PSG5: variants seen among roughly 807,000 people sequenced by gnomAD.
The protein encoded by PSG5 is pregnancy-specific beta-1-glycoprotein 5.
In PSG5, 53 loss-of-function variants were observed where a neutral mutation model predicts 37.7. That is an observed-to-expected ratio of 1.41 (90% CI 1.13 to 1.77). PSG5 has a LOEUF of 1.77. Among genes scored for constraint, PSG5 ranks in the 40% most tolerant of loss-of-function variants. The pLI is 0.00. For synonymous variants in PSG5, 221 were observed against 155.4 expected (o/e 1.42, Z -3.14); for missense variants, 547 against 405.2 (o/e 1.35, Z -3.00).
intron 2 of PSG5, among the ~76,000 whole-genome samples, chr19:43,182,901 C>A (rs1178415579): frequency 1.4e-5 from 2 of 147,450 alleles, no homozygotes; most frequent in Non-Finnish European, 3.0e-5. Context: ...TGAAGCCTGG[C>A]AGGAGTGGCA....
At chr19:43,172,872 C>G (rs149517958) in intron 4 of PSG5, among the ~76,000 whole-genome samples, 1 of 151,412 alleles carries the variant, frequency 6.6e-6, no homozygotes, top group Non-Finnish European at 1.5e-5. Flanking sequence ...CAGAAAAAGA[C>G]AAATCTGTCC....
At chr19:43,181,932 C>T (rs934428112) in intron 2 of PSG5, among the ~76,000 whole-genome samples, 3 of 151,590 alleles carry the variant, frequency 2.0e-5, no homozygotes, top group Non-Finnish European at 4.4e-5. Flanking sequence ...ACGAGTGAAA[C>T]AGTTGAAATG....
At chr19:43,171,549 G>T (rs12460860) in intron 4 of PSG5, 21,642 of 374,180 alleles carry the variant, frequency 0.058, 890 homozygotes, top group Middle Eastern at 0.091. Context: ...AATGGAGAAT[G>T]GAAAAAGAAT....
At chr19:43,175,824 G>C in intron 3 of PSG5, 46 bp downstream of exon 3, 3 of 1,607,322 alleles carry the variant, frequency 1.9e-6, no homozygotes, top group African/African-American at 1.3e-5. Flanking sequence ...TGGTCATTTA[G>C]ATTTAAGCTG....
Position 43,170,107 on chromosome 19 carries a change from A to G in PSG5, c.996T>C (p.Leu332=). The change falls in exon 5 of 6, where the codon CTT becomes CTC. Residue 332 remains leucine (L), a synonymous_variant. Transcript: ENST00000342951. Reference sequence around the variant, plus strand: ...GACTTCACGGCTGCTATATTGGATTAAGGAGAGGAAGACGTCCTATTCCTG... The same window carrying G: ...GACTTCACGGCTGCTATATTGGATTGAGGAGAGGAAGACGTCCTATTCCTG... ...APSGIGRLPL[L]NPI 1.3e-6 allele frequency: 2 copies of G among 1,587,654 alleles called. No individual in the cohort carries two copies.
chr19:43,173,601 G>C (rs548528914), intron 4 of PSG5, among the ~76,000 whole-genome samples: 1 of 151,726 alleles, frequency 6.6e-6, no homozygotes, highest in African/African-American at 2.4e-5. Flanking sequence ...CCCATGCAAA[G>C]TTCCTCAGCA....
chr19:43,183,773 A>G (rs1292759763), intron 2 of PSG5, among the ~76,000 whole-genome samples: 1 of 142,794 alleles, frequency 7.0e-6, no homozygotes. Context: ...TCTGGTGGAG[A>G]AGATGGGCCT....
intron 2 of PSG5, among the ~76,000 whole-genome samples, chr19:43,182,359 T>A (rs1455089963): frequency 6.6e-6 from 1 of 151,406 alleles, no homozygotes. Flanking sequence ...AACATCACTA[T>A]TGTAGAACAT....
chr19:43,180,942 A>G (rs1486065897), intron 2 of PSG5, among the ~76,000 whole-genome samples: 1 of 151,646 alleles, frequency 6.6e-6, no homozygotes, highest in Non-Finnish European at 1.5e-5. Context: ...TTCTGTGCAG[A>G]GTTAGGAAAA....
At chr19:43,172,640 A>T (rs1968929228) in intron 4 of PSG5, among the ~76,000 whole-genome samples, 1 of 151,670 alleles carries the variant, frequency 6.6e-6, no homozygotes, top group Non-Finnish European at 1.5e-5. Context: ...TATTAACATC[A>T]AAAAGAATAA....
At chr19:43,181,317 G>T (rs1442550273) in intron 2 of PSG5, among the ~76,000 whole-genome samples, 2 of 151,638 alleles carry the variant, frequency 1.3e-5, no homozygotes, top group South Asian at 4.2e-4. Context: ...TGAATGTGTT[G>T]TTCCACTTTT....
intron 2 of PSG5, among the ~76,000 whole-genome samples, chr19:43,179,766 A>G (rs568633290): frequency 7.2e-5 from 11 of 151,736 alleles, no homozygotes; most frequent in Non-Finnish European, 1.3e-4. Context: ...GGTGTCTCAT[A>G]GTGACTGACT....
chr19:43,182,705 A>ATT (rs534568803), intron 2 of PSG5, among the ~76,000 whole-genome samples: 2,159 of 58,446 alleles, frequency 0.037, 374 homozygotes, highest in African/African-American at 0.1. Flanking sequence ...CATTTCAATA[A>ATT]TTTTTTTTTT....
intron 2 of PSG5, chr19:43,180,356 A>AT (rs1264028278): frequency 6.6e-6 from 1 of 151,586 alleles, no homozygotes; most frequent in African/African-American, 2.4e-5. Flanking sequence ...TGGATTTCTA[A>AT]TTTTTTTAAT....
rs560319189 is a variant in PSG5 at position 43,175,900 on chromosome 19, G to T, written c.679C>A (p.Arg227Ser). 2 of 1,612,466 alleles carry T rather than the reference G, an allele frequency of 1.2e-6. No individual in the cohort carries two copies. Among genetic ancestry groups the T allele is most frequent in the Admixed American group, 1.7e-5 (1 of 59,882 alleles). The change falls in exon 3 of 6, where the codon CGC becomes AGC. Residue 227 changes from arginine to serine, a missense_variant. Physicochemically the swap from Arg to Ser is moderately radical, Grantham distance 110. Transcript: ENST00000342951. ...ACATTCAGGGTGACTGGGTCACTGC[G>T]CATGCCACCATCTCGGTCCCGTATT... ...CEIRDRDGGM[R>S]SDPVTLNVLY...
chr19:43,171,931 C>T (rs1968913645), intron 4 of PSG5, among the ~76,000 whole-genome samples: 2 of 146,876 alleles, frequency 1.4e-5, no homozygotes, highest in South Asian at 4.3e-4. Flanking sequence ...ATAATCACAC[C>T]ACTGTATTCC....
In PSG5 at chr19:43,168,190, A is replaced by G; in HGVS notation, c.*54T>C. ...GTGATTGTAAGTAGTTTGAGGAAGA[A>G]TCAAAGCAACTGTCTGGGAAAGACA... is the stretch of plus-strand genomic sequence containing the variant. On this transcript the variant is annotated 3_prime_UTR_variant, in exon 6 of 6. Coordinates refer to ENST00000342951, the MANE Select transcript of PSG5 (RefSeq NM_002781.4). 2.4e-6 allele frequency: 1 copy of G among 409,414 alleles called. No homozygotes were observed. 25.4% of individuals were successfully genotyped at this position (409,414 alleles called of 1,614,324 possible).
chr19:43,170,119 A>G lies in PSG5; in HGVS notation c.984T>C (p.Arg328=), dbSNP rs773289782. The change falls in exon 5 of 6, where the codon CGT becomes CGC. Residue 328 remains arginine, a synonymous_variant. Coordinates refer to ENST00000342951, the MANE Select transcript of PSG5 (RefSeq NM_002781.4). ...GCTATATTGGATTAAGGAGAGGAAGACGTCCTATTCCTGAAGGAGCTGTCA... is the reference window on the plus strand; with the variant it reads ...GCTATATTGGATTAAGGAGAGGAAGGCGTCCTATTCCTGAAGGAGCTGTCA... ...VEVSAPSGIG[R]LPLLNPI The G allele has an allele frequency of 2.5e-6, 4 of 1,589,320 alleles. No homozygotes were observed. The highest frequency in any genetic ancestry group is 4.5e-5 in the East Asian group (2 of 44,146).
At chr19:43,175,172 T>G in intron 4 of PSG5, 43 bp downstream of exon 4, 1 of 1,611,942 alleles carries the variant, frequency 6.2e-7, no homozygotes, top group Non-Finnish European at 8.5e-7. Context: ...CCAGGTAGAC[T>G]CCACCTAAAA....
Sources: gnomAD v4.1 joint callset for allele counts (sites outside exome capture counted in the v4.1 genomes callset) on GRCh38, gnomAD v4.1.1 for gene constraint, MANE v1.5 for transcripts, NCBI Gene and HGNC (gene_info 2026-07-23, HGNC 2026-07-21) for gene names.